Variants in BIRC6 observed in about 807,000 individuals in gnomAD.
BIRC6 encodes dual E2 ubiquitin-conjugating enzyme/E3 ubiquitin-protein ligase BIRC6.
A neutral mutation model predicts 503.3 loss-of-function variants in BIRC6; 98 were observed. The observed-to-expected ratio is 0.19, with a 90% CI of 0.17 to 0.23. The LOEUF is 0.23. BIRC6 is among the 10% of genes least tolerant of loss of function. BIRC6 has a pLI of 1.00. For missense variants in BIRC6, 5,360 were observed against 5,806.0 expected, an observed-to-expected ratio of 0.92 and a Z score of 2.50; for synonymous variants, 2,240 against 2,078.7, an observed-to-expected ratio of 1.08 and a Z score of -2.11.
intron 23 of BIRC6, among the ~76,000 whole-genome samples, chr2:32,461,054 T>C (rs1350411298): frequency 0.049 from 3,500 of 71,942 alleles, 539 homozygotes; most frequent in Non-Finnish European, 0.083. Context: ...TCTCTTCTCT[T>C]CTCTTCTCTT....
chr2:32,547,027 A>T (rs2058099784), intron 63 of BIRC6, among the ~76,000 whole-genome samples: 1 of 152,208 alleles, frequency 6.6e-6, no homozygotes, highest in African/African-American at 2.4e-5. Context: ...AGTGGGTTAG[A>T]TATGATAGTG....
intron 43 of BIRC6, among the ~76,000 whole-genome samples, chr2:32,490,903 A>G (rs925635143): frequency 7.9e-5 from 12 of 152,210 alleles, no homozygotes; most frequent in African/African-American, 2.9e-4. Flanking sequence ...TTTTCCAAAA[A>G]TGAGATCAAA....
chr2:32,588,955 A>G (rs920741934), intron 66 of BIRC6, among the ~76,000 whole-genome samples: 1 of 152,192 alleles, frequency 6.6e-6, no homozygotes, highest in African/African-American at 2.4e-5. Context: ...TTATCTTAAG[A>G]TGAAATTAAA....
Position 32,395,442 on chromosome 2 carries a change from T to C in BIRC6, c.952-69T>C, listed in dbSNP as rs1041440048. 30 of 1,223,838 alleles carry C rather than the reference T, an allele frequency of 2.5e-5. No homozygotes were observed. In the African/African-American group the frequency reaches 2.5e-4, roughly 10 times the overall value. 75.8% of individuals were successfully genotyped at this position (1,223,838 alleles called of 1,614,324 possible). A position where few individuals can be genotyped will look rare whatever the true frequency, so the allele number is the denominator to read the frequency against. ...ACTTAAAATTATGAACTTTTAAAAA[T>C]AACTTTTATTATAAAGCTATTTTAA... On this transcript the variant is annotated intron_variant, in intron 5 of 73. Coordinates refer to ENST00000421745, the MANE Select transcript of BIRC6 (RefSeq NM_016252.4).
chr2:32,593,048 T>G (rs2061480489), intron 66 of BIRC6, among the ~76,000 whole-genome samples: 1 of 152,262 alleles, frequency 6.6e-6, no homozygotes, highest in African/African-American at 2.4e-5. Context: ...GTTTAGATCA[T>G]ACCTTAGCAT....
chr2:32,388,807 A>G lies in BIRC6; in HGVS notation c.703A>G (p.Ile235Val). 1 of 1,613,132 alleles carries G rather than the reference A, an allele frequency of 6.2e-7. No homozygotes were observed. Among genetic ancestry groups the G allele is most frequent in the Non-Finnish European group, 8.5e-7 (1 of 1,179,546 alleles). The change falls in exon 4 of 74, where the codon ATT becomes GTT. Residue 235 changes from isoleucine (I) to valine (V), a missense_variant. Physicochemically the swap from Ile to Val is conservative, Grantham distance 29. Coordinates refer to ENST00000421745, the MANE Select transcript of BIRC6 (RefSeq NM_016252.4). ...TGTGTTGAAGTCCATTGCCAGTGCC[A>G]TTGTAAATGAACTCAAGAAAATAAA... ...HHVLKSIASA[I>V]VNELKKINQN...
intron 65 of BIRC6, among the ~76,000 whole-genome samples, chr2:32,568,164 T>C (rs531795829): frequency 1.3e-5 from 2 of 149,090 alleles, no homozygotes; most frequent in South Asian, 4.2e-4. Flanking sequence ...AAAGAAACTA[T>C]AGCCTTAAAA....
At chr2:32,402,355 T>G (rs1292999348) in intron 8 of BIRC6, among the ~76,000 whole-genome samples, 2 of 152,164 alleles carry the variant, frequency 1.3e-5, no homozygotes, top group African/African-American at 4.8e-5. Context: ...ATGGAGCTAT[T>G]TAACTGTGAT....
At chr2:32,373,660 A>G (rs2036298185) in intron 1 of BIRC6, among the ~76,000 whole-genome samples, 1 of 152,200 alleles carries the variant, frequency 6.6e-6, no homozygotes, top group African/African-American at 2.4e-5. Context: ...TGGTGCAGCC[A>G]TTATGGGAGA....
At chr2:32,529,891 A>C in intron 60 of BIRC6, 67 bp downstream of exon 60, 1 of 1,025,668 alleles carries the variant, frequency 9.7e-7, no homozygotes, top group East Asian at 3.1e-5. Context: ...TTCTATAGCT[A>C]ATGACTTAAT....
intron 6 of BIRC6, among the ~76,000 whole-genome samples, chr2:32,396,988 G>A (rs112478038): frequency 1.6e-3 from 248 of 152,104 alleles, no homozygotes; most frequent in Non-Finnish European, 3.2e-3. Context: ...TCAGCCTTCC[G>A]AAGTGTTGGG....
At chr2:32,431,186 T>A in intron 12 of BIRC6, 96 bp downstream of exon 12, 1 of 334,056 alleles carries the variant, frequency 3.0e-6, no homozygotes, top group Non-Finnish European at 4.6e-6. Context: ...TTTATCTTTT[T>A]TTTTTTTTTT....
chr2:32,369,946 ATATATATATATATATATATATATATATAT>A (rs1306501617), intron 1 of BIRC6, among the ~76,000 whole-genome samples: 2 of 28,424 alleles, frequency 7.0e-5, no homozygotes, highest in Non-Finnish European at 1.2e-4. Context: ...AAAAAAAAAA[ATATATATATATATATATATATATATATAT>A]ATATATATAT....
chr2:32,380,031 TTAGTA>T (rs2037396021), intron 2 of BIRC6, 117 bp from the exon 3 acceptor site: 1 of 613,854 alleles, frequency 1.6e-6, no homozygotes, highest in African/African-American at 1.9e-5. Flanking sequence ...AAAGGTAAGT[TTAGTA>T]TAGTACCTGT....
At chr2:32,470,508 C>A (rs1403243982) in intron 31 of BIRC6, among the ~76,000 whole-genome samples, 1 of 152,122 alleles carries the variant, frequency 6.6e-6, no homozygotes, top group Non-Finnish European at 1.5e-5. Context: ...ATTATTTGAA[C>A]TTAGTATAGT....
intron 26 of BIRC6, among the ~76,000 whole-genome samples, chr2:32,465,561 GAAT>G (rs1191840358): frequency 6.6e-6 from 1 of 152,064 alleles, no homozygotes; most frequent in Non-Finnish European, 1.5e-5. Context: ...AACTGGATAA[GAAT>G]AATAACATAT....
intron 65 of BIRC6, among the ~76,000 whole-genome samples, chr2:32,555,911 T>A (rs2058739921): frequency 1.6e-5 from 2 of 122,536 alleles, no homozygotes; most frequent in African/African-American, 6.3e-5. Context: ...GTAGACCCTA[T>A]CTCAAAAAAA....
intron 22 of BIRC6, among the ~76,000 whole-genome samples, chr2:32,452,970 T>A (rs543222692): frequency 6.6e-6 from 1 of 152,078 alleles, no homozygotes; most frequent in Non-Finnish European, 1.5e-5. Flanking sequence ...TGATAGTCCT[T>A]CAGCTGTTAA....
intron 10 of BIRC6, among the ~76,000 whole-genome samples, chr2:32,425,962 T>C (rs1196792828): frequency 1.3e-5 from 2 of 152,238 alleles, no homozygotes; most frequent in African/African-American, 4.8e-5. Flanking sequence ...AGCTGGTTCA[T>C]TTAGGCCACC....
Sources: gnomAD v4.1 joint callset for allele counts (sites outside exome capture counted in the v4.1 genomes callset) on GRCh38, gnomAD v4.1.1 for gene constraint, MANE v1.5 for transcripts, NCBI Gene and HGNC (gene_info 2026-07-23, HGNC 2026-07-21) for gene names.